Variants in EIF4E observed in about 807,000 individuals in gnomAD.
EIF4E encodes the protein eukaryotic translation initiation factor 4E.
For synonymous variants in EIF4E, 71 were observed against 88.5 expected (o/e 0.80, Z 1.11); for missense variants, 113 against 265.6 (o/e 0.43, Z 3.99).
At chr4:98,893,979 T>C (rs1169700664) in intron 2 of EIF4E, among the ~76,000 whole-genome samples, 1 of 152,218 alleles carries the variant, frequency 6.6e-6, no homozygotes, top group East Asian at 1.9e-4. Context: ...GAAAGTACAC[T>C]GTGTTAAGAG....
In EIF4E at chr4:98,887,266, TAAGC is replaced by T; in HGVS notation, c.286-78_286-75del. On this transcript the variant is annotated intron_variant, in intron 4 of 6. Transcript: ENST00000450253. This position sits in a 1 kb window ranked among gnomAD's most constrained non-coding sequence, Gnocchi z 4.0. Reference sequence around the variant, plus strand: ...TTGAGAGATAATCATTAGAAACAGTTAAGCAACAACACTGTCAACTTCTTACTTT... The same window carrying T: ...TTGAGAGATAATCATTAGAAACAGTTAACAACACTGTCAACTTCTTACTTT... The T allele has an allele frequency of 6.9e-7, 1 of 1,452,158 alleles. No individual in the cohort carries two copies. The highest frequency in any genetic ancestry group is 1.1e-5 in the South Asian group (1 of 87,536). 90.0% of individuals were successfully genotyped at this position (1,452,158 alleles called of 1,614,324 possible).
chr4:98,889,742 C>T (rs1369088097), intron 3 of EIF4E, among the ~76,000 whole-genome samples: 1 of 152,122 alleles, frequency 6.6e-6, no homozygotes, highest in African/African-American at 2.4e-5. Context: ...ATTATGTAAA[C>T]TGGTAAAAGC....
chr4:98,926,955 C>A lies in EIF4E; in HGVS notation c.18+2140G>T, dbSNP rs17028280. ...CAAGGGACCTAAATGTGACAGAAAC[C>A]TCACAGAACTCCTTATTGTTTTATA... On this transcript the variant is annotated intron_variant, in intron 1 of 6. Coordinates refer to ENST00000450253, the MANE Select transcript of EIF4E (RefSeq NM_001968.5). Among the ~76,000 whole-genome samples the A allele has an allele frequency of 9.0e-3, 1,366 of 152,302 alleles. 25 individuals are homozygous for A. The highest frequency in any genetic ancestry group is 0.031 in the African/African-American group (1,295 of 41,552).
intron 1 of EIF4E, among the ~76,000 whole-genome samples, chr4:98,904,254 G>A (rs1579167893): frequency 6.6e-6 from 1 of 152,108 alleles, no homozygotes; most frequent in Non-Finnish European, 1.5e-5. Flanking sequence ...GAGTCCAGGA[G>A]TTCGAAAACA....
At chr4:98,904,645 C>T (rs1469032193) in intron 1 of EIF4E, among the ~76,000 whole-genome samples, 1 of 152,104 alleles carries the variant, frequency 6.6e-6, no homozygotes, top group Non-Finnish European at 1.5e-5. Context: ...GTAGCACGCG[C>T]CTGTAATCCC....
intron 1 of EIF4E, among the ~76,000 whole-genome samples, chr4:98,920,777 T>C (rs1196178803): frequency 6.6e-6 from 1 of 152,120 alleles, no homozygotes; most frequent in Non-Finnish European, 1.5e-5. Flanking sequence ...AGTATACAAG[T>C]TCAAATGAAA....
At position 98,898,864 on chromosome 4, in the gene EIF4E, T is replaced by G. The variant is rs144285128; in HGVS notation, c.125+3012A>C. On this transcript the variant is annotated intron_variant, in intron 2 of 6. Coordinates refer to ENST00000450253, the MANE Select transcript of EIF4E (RefSeq NM_001968.5). ...AATTTTTAAGAGTGTAAAGGAATTG[T>G]GAGACCAAATACTTGAGTACTGCTG... is the stretch of plus-strand genomic sequence containing the variant. 9.5e-4 allele frequency among the ~76,000 whole-genome samples: 145 copies of G among 152,156 alleles called. 1 individual carries two copies. Among genetic ancestry groups the G allele is most frequent in the Middle Eastern group, 3.4e-3 (1 of 292 alleles).
chr4:98,923,908 C>T (rs1401470468), intron 1 of EIF4E, among the ~76,000 whole-genome samples: 3 of 152,124 alleles, frequency 2.0e-5, no homozygotes, highest in Non-Finnish European at 2.9e-5. Context: ...TTGAAATCAC[C>T]GTAATATATC....
intron 1 of EIF4E, among the ~76,000 whole-genome samples, chr4:98,914,489 T>C (rs1725291549): frequency 6.6e-6 from 1 of 151,432 alleles, no homozygotes; most frequent in African/African-American, 2.4e-5. Context: ...TAAAATGAGT[T>C]ATCAAGCCAT....
intron 1 of EIF4E, 61 bp downstream of exon 1, chr4:98,929,034 C>T (rs998493139): frequency 6.4e-7 from 1 of 1,570,144 alleles, no homozygotes; most frequent in African/African-American, 1.4e-5. Context: ...CGGAGTCCCC[C>T]AGTCAGAAGG....
chr4:98,895,307 T>C (rs1724330995), intron 2 of EIF4E: 1 of 152,222 alleles, frequency 6.6e-6, no homozygotes. Context: ...TGAAGCACAG[T>C]AAAATGAGGT....
intron 2 of EIF4E, among the ~76,000 whole-genome samples, chr4:98,897,807 A>G (rs72893550): frequency 0.018 from 2,751 of 152,310 alleles, 75 homozygotes; most frequent in African/African-American, 0.062. Context: ...CAACTTCCTA[A>G]AAATCAAAGA....
intron 1 of EIF4E, among the ~76,000 whole-genome samples, chr4:98,905,374 C>T (rs903509954): frequency 2.0e-5 from 3 of 152,166 alleles, no homozygotes; most frequent in African/African-American, 7.2e-5. Context: ...AATAGGCAAT[C>T]TTCCCTTGAA....
chr4:98,915,417 T>C (rs1332193943), intron 1 of EIF4E, among the ~76,000 whole-genome samples: 1 of 152,140 alleles, frequency 6.6e-6, no homozygotes, highest in Non-Finnish European at 1.5e-5. Flanking sequence ...ATGTTCAAAA[T>C]GTATTATAAC....
intron 2 of EIF4E, 96 bp downstream of exon 2, chr4:98,901,778 TAA>T: frequency 8.7e-7 from 1 of 1,147,438 alleles, no homozygotes; most frequent in Non-Finnish European, 1.3e-6. Flanking sequence ...TTAGCATATC[TAA>T]AACTAGTCTC....
intron 5 of EIF4E, among the ~76,000 whole-genome samples, chr4:98,885,329 C>T (rs577836837): frequency 3.3e-4 from 50 of 152,250 alleles, no homozygotes; most frequent in African/African-American, 1.2e-3. Context: ...TATTCATTTG[C>T]TCTGCTGCTG....
rs565161251 is a variant in EIF4E, at chr4:98,893,032, A to C, written c.126-1700T>G. Among the ~76,000 whole-genome samples the C allele has an allele frequency of 2.6e-5, 4 of 152,354 alleles. No homozygotes were observed. In the South Asian group the frequency reaches 8.3e-4, roughly 32 times the overall value. ...ATCATCATAATAAAGTGAGTATCAC[A>C]ATAAAGGAACTATCTTTAAGGAGAG... On this transcript the variant is annotated intron_variant, in intron 2 of 6. Coordinates refer to ENST00000450253, the MANE Select transcript of EIF4E (RefSeq NM_001968.5).
chr4:98,924,254 T>G (rs921494121), intron 1 of EIF4E, among the ~76,000 whole-genome samples: 2 of 152,080 alleles, frequency 1.3e-5, no homozygotes, highest in African/African-American at 4.8e-5. Flanking sequence ...AAGTTTTGTA[T>G]TTTTAGTAGA....
At chr4:98,916,286 C>CAAAAA (rs11462325) in intron 1 of EIF4E, among the ~76,000 whole-genome samples, 1 of 106,950 alleles carries the variant, frequency 9.4e-6, no homozygotes, top group Non-Finnish European at 2.0e-5. Context: ...ATTCAGAGGA[C>CAAAAA]AAAAAAAAAA....
Sources: allele counts gnomAD v4.1 joint callset (sites outside exome capture counted in the v4.1 genomes callset), GRCh38; gene constraint gnomAD v4.1.1; non-coding constraint Gnocchi (gnomAD v3.1); transcripts MANE v1.5; gene names NCBI Gene and HGNC (gene_info 2026-07-23, HGNC 2026-07-21).